The following DYNC2H1 variants were observed in gnomAD, a reference collection of about 807,000 sequenced individuals.
The protein encoded by DYNC2H1 is dynein cytoplasmic 2 heavy chain 1, also known as cytoplasmic dynein 2 heavy chain 1.
Under a neutral mutation model 570.0 loss-of-function variants are expected in DYNC2H1, and 410 were observed. The ratio of observed to expected loss-of-function variants is 0.72; its 90% CI spans 0.66 to 0.78. DYNC2H1 has a LOEUF of 0.78. Among genes scored for constraint, DYNC2H1 ranks in the 30% least tolerant of loss-of-function variants. The probability of loss-of-function intolerance (pLI) is 0.00; values close to 1 mark genes in which losing one functional copy is unlikely to be tolerated. For synonymous variants in DYNC2H1, 1,688 were observed against 1,677.6 expected, an observed-to-expected ratio of 1.01 and a Z score of -0.15; for missense variants, 4,865 against 5,046.4, an observed-to-expected ratio of 0.96 and a Z score of 1.09.
chr11:103,375,384 G>A (rs192955855), intron 83 of DYNC2H1, among the ~76,000 whole-genome samples: 105 of 152,340 alleles, frequency 6.9e-4, no homozygotes, highest in African/African-American at 2.5e-3. Flanking sequence ...GCACTGCCTA[G>A]TGGAGCTGTG....
At chr11:103,384,334 G>C (rs1682321244) in intron 83 of DYNC2H1, among the ~76,000 whole-genome samples, 1 of 151,656 alleles carries the variant, frequency 6.6e-6, no homozygotes, top group Non-Finnish European at 1.5e-5. Flanking sequence ...TTTTCTTTTG[G>C]TTATTTTTTG....
At chr11:103,240,250 T>C in intron 63 of DYNC2H1, among the ~76,000 whole-genome samples, 1 of 152,138 alleles carries the variant, frequency 6.6e-6, no homozygotes, top group Admixed American at 6.6e-5. Context: ...TGACTCCATG[T>C]TTACCATTAT....
chr11:103,387,626 T>C (rs1181926708), intron 83 of DYNC2H1, among the ~76,000 whole-genome samples: 1 of 152,236 alleles, frequency 6.6e-6, no homozygotes, highest in Admixed American at 6.5e-5. Flanking sequence ...AGGGTTTTTA[T>C]GGTTTGAGGT....
intron 4 of DYNC2H1, among the ~76,000 whole-genome samples, 195 bp from the exon 5 acceptor site, chr11:103,116,375 T>C (rs1397304534): frequency 1.3e-5 from 2 of 152,160 alleles, no homozygotes; most frequent in Non-Finnish European, 2.9e-5. Flanking sequence ...TTCTTTCTTT[T>C]CATGACATTG....
At chr11:103,278,602 C>T (rs1866003929) in intron 70 of DYNC2H1, among the ~76,000 whole-genome samples, 2 of 151,562 alleles carry the variant, frequency 1.3e-5, no homozygotes, top group Admixed American at 6.6e-5. Context: ...TTCACTCTTG[C>T]TGCCAAGGCT....
At chr11:103,147,946 T>C in intron 19 of DYNC2H1, 59 bp downstream of exon 19, 1 of 1,185,134 alleles carries the variant, frequency 8.4e-7, no homozygotes, top group Non-Finnish European at 1.2e-6. Flanking sequence ...GCATGTACTT[T>C]GATAGTTATA....
intron 84 of DYNC2H1, among the ~76,000 whole-genome samples, chr11:103,401,747 C>T (rs899377022): frequency 3.3e-5 from 5 of 151,994 alleles, no homozygotes; most frequent in African/African-American, 1.2e-4. Flanking sequence ...TGGCACATAG[C>T]AAGCACCCTA....
intron 84 of DYNC2H1, among the ~76,000 whole-genome samples, chr11:103,423,319 C>T (rs1301391576): frequency 6.7e-6 from 1 of 149,714 alleles, no homozygotes; most frequent in Non-Finnish European, 1.5e-5. Context: ...AATTGATTTT[C>T]ACCAATAGGC....
chr11:103,431,215 TAAAA>T (rs10645288), intron 84 of DYNC2H1, among the ~76,000 whole-genome samples: 10 of 138,482 alleles, frequency 7.2e-5, no homozygotes, highest in East Asian at 6.2e-4. Flanking sequence ...TCATTTAGTT[TAAAA>T]AAAAAAAAAA....
At chr11:103,167,751 T>C (rs571160523) in intron 31 of DYNC2H1, among the ~76,000 whole-genome samples, 4 of 152,324 alleles carry the variant, frequency 2.6e-5, no homozygotes, top group Admixed American at 6.5e-5. Flanking sequence ...TTTGTTTAAA[T>C]CCTCTGGAGA....
Position 103,321,208 on chromosome 11 carries a change from G to T in DYNC2H1, c.11905G>T (p.Val3969Leu). Reference protein sequence around the residue: ...RNKKSIFPYSVSLPQSCSILD... With the variant: ...RNKKSIFPYSLSLPQSCSILD... ...CAAGAAAAGCATTTTTCCATATTCC[G>T]TATCTCTACCACAATCCTGCAGCAT... Residue 3969 changes from valine (V) to leucine (L), a missense_variant, in exon 81 of 89, where the codon GTA (valine) becomes TTA (leucine). Around this residue, in one of 5 missense-constraint regions of DYNC2H1, gnomAD observed 2,401 missense variants for 2,454.6 expected, o/e 0.98. Transcript: ENST00000375735. 2 of 1,609,654 alleles carry T rather than the reference G, an allele frequency of 1.2e-6. No homozygotes were observed. Among genetic ancestry groups the T allele is most frequent in the South Asian group, 2.2e-5 (2 of 90,306 alleles).
intron 60 of DYNC2H1, among the ~76,000 whole-genome samples, chr11:103,231,727 T>C (rs1864018643): frequency 6.6e-6 from 1 of 152,056 alleles, no homozygotes; most frequent in African/African-American, 2.4e-5. Context: ...ATATCTGATT[T>C]AATACAGTGT....
chr11:103,361,044 G>A (rs752630019), intron 83 of DYNC2H1, among the ~76,000 whole-genome samples: 12 of 152,104 alleles, frequency 7.9e-5, no homozygotes, highest in African/African-American at 1.2e-4. Context: ...AATGTTTGGC[G>A]CATTCAATAA....
rs1565394426 is a variant in DYNC2H1 at position 103,205,192 on chromosome 11, A to G, written c.8454+228A>G. Among the ~76,000 whole-genome samples, 1 of 152,160 alleles carries G rather than the reference A, an allele frequency of 6.6e-6. No homozygotes were observed. Among genetic ancestry groups the G allele is most frequent in the Non-Finnish European group, 1.5e-5 (1 of 68,024 alleles). ...TTAATTAAGGACCCCAGAGACAACT[A>G]TACTTTAAAATTTTATGGCTTTAAT... On this transcript the variant is annotated intron_variant, in intron 52 of 88. Coordinates refer to ENST00000375735, the MANE Select transcript of DYNC2H1 (RefSeq NM_001377.3). This position sits in a 1 kb window ranked among gnomAD's most constrained non-coding sequence, Gnocchi z 4.5.
intron 47 of DYNC2H1, among the ~76,000 whole-genome samples, chr11:103,194,270 T>C (rs2135060515): frequency 6.7e-6 from 1 of 148,238 alleles, no homozygotes; most frequent in East Asian, 2.0e-4. Context: ...TTTTATTGCT[T>C]TTTATTCCAT....
At chr11:103,267,733 CT>C (rs1865564866) in intron 70 of DYNC2H1, among the ~76,000 whole-genome samples, 1 of 151,974 alleles carries the variant, frequency 6.6e-6, no homozygotes, top group African/African-American at 2.4e-5. Flanking sequence ...TCCCTTATTC[CT>C]TCATCAGAGT....
At chr11:103,153,203 T>C (rs1860650749) in intron 21 of DYNC2H1, 100 bp from the exon 22 acceptor site, 1 of 1,042,378 alleles carries the variant, frequency 9.6e-7, no homozygotes, top group Non-Finnish European at 1.3e-6. Flanking sequence ...TGGTCATTGA[T>C]ATTTTTTCAC....
intron 85 of DYNC2H1, among the ~76,000 whole-genome samples, chr11:103,437,821 A>G (rs892207763): frequency 1.3e-5 from 2 of 152,152 alleles, no homozygotes; most frequent in African/African-American, 4.8e-5. Context: ...ATGGTAGCCT[A>G]TATTACACTA....
At chr11:103,193,098 G>T (rs1401542712) in intron 47 of DYNC2H1, among the ~76,000 whole-genome samples, 1 of 152,164 alleles carries the variant, frequency 6.6e-6, no homozygotes, top group African/African-American at 2.4e-5. Context: ...GAACTTCGAG[G>T]GTGGGAAAGA....
Sources: gnomAD v4.1 joint callset for allele counts (sites outside exome capture counted in the v4.1 genomes callset) on GRCh38, gnomAD v4.1.1 for gene constraint, gnomAD v4.1.1 regional missense constraint, Gnocchi (gnomAD v3.1) non-coding constraint, MANE v1.5 for transcripts, NCBI Gene and HGNC (gene_info 2026-07-23, HGNC 2026-07-21) for gene names.